The following CUL4B variants were observed in gnomAD, a reference collection of about 807,000 sequenced individuals.
CUL4B encodes the protein cullin 4B, also known as cullin-4B.
A neutral mutation model predicts 69.2 loss-of-function variants in CUL4B; 1 was observed. That is an observed-to-expected ratio of 0.01 (90% CI 0.01 to 0.07). CUL4B has a LOEUF of 0.07. Ranked by LOEUF, CUL4B falls within the 10% of genes least tolerant of loss-of-function variation. CUL4B has a pLI of 1.00. For synonymous variants in CUL4B, 237 were observed against 223.2 expected, an observed-to-expected ratio of 1.06 and a Z score of -0.55; for missense variants, 328 against 638.8, an observed-to-expected ratio of 0.51 and a Z score of 5.24.
chrX:120,561,348 A>G (rs751977170), upstream of CUL4B: 16 of 560,644 alleles, frequency 2.9e-5, no homozygotes, highest in South Asian at 3.6e-4. Flanking sequence ...TCCCGCGGGA[A>G]GCTTCGCGCC....
At chrX:120,567,642 G>A (rs1925595530), downstream of CUL4B, among the ~76,000 whole-genome samples, 1 of 106,336 alleles carries the variant, frequency 9.4e-6, no homozygotes, top group Admixed American at 1.0e-4. Flanking sequence ...ACTTTGGGAG[G>A]CCGAGGCAGG....
intron 1 of CUL4B, among the ~76,000 whole-genome samples, chrX:120,558,285 T>A (rs911592016): frequency 8.9e-6 from 1 of 111,841 alleles, no homozygotes; most frequent in East Asian, 2.8e-4. Flanking sequence ...CTCCTATTGA[T>A]TGTATTGCTT....
At position 120,545,460 on chromosome X, in the gene CUL4B, T is replaced by C. The variant is rs904900765; in HGVS notation, c.904A>G (p.Met302Val). 6.8e-6 allele frequency: 8 copies of C among 1,174,657 alleles called. No individual in the cohort carries two copies. The highest frequency in any genetic ancestry group is 1.8e-5 in the African/African-American group (1 of 56,480). The change falls in exon 5 of 20, where the codon ATG becomes GTG. Residue 302 changes from methionine (M) to valine (V), a missense_variant. Met to Val is a conservative substitution (Grantham distance 21, BLOSUM62 1). Coordinates refer to ENST00000371322, the MANE Select transcript of CUL4B (RefSeq NM_001079872.2). Reference protein sequence around the residue: ...LDRTYVLQNSMLPSIWDMGLE... With the variant: ...LDRTYVLQNSVLPSIWDMGLE... Reference sequence around the variant, plus strand: ...CATCCTTACCAAATGGAGGGTAGCATTGAATTCTGAAGAACGTAAGTTCTA... The same window carrying C: ...CATCCTTACCAAATGGAGGGTAGCACTGAATTCTGAAGAACGTAAGTTCTA...
chrX:120,525,061 A>C lies in CUL4B; in HGVS notation c.*1700T>G, dbSNP rs897233774. On this transcript the variant is annotated 3_prime_UTR_variant, in exon 20 of 20. Transcript: ENST00000371322. ...TTTGCTTGTCAGCTGAGCTCATATA[A>C]AGAAATCAGTGAGGAGCTGAGAAAA... 17 of 112,450 alleles carry C rather than the reference A, an allele frequency of 1.5e-4. No individual in the cohort carries two copies. Among genetic ancestry groups the C allele is most frequent in the African/African-American group, 4.5e-4 (14 of 30,962 alleles). 9.3% of individuals were successfully genotyped at this position (112,450 alleles called of 1,213,427 possible).
chrX:120,575,431 GTTC>G (rs1182198757), exon 1 of CUL4B: 1 of 112,316 alleles, frequency 8.9e-6, no homozygotes, highest in Non-Finnish European at 1.9e-5. Flanking sequence ...GATCCGTTGT[GTTC>G]TTCTATCTAA....
downstream of CUL4B, among the ~76,000 whole-genome samples, chrX:120,566,682 C>T (rs1275662693): frequency 9.1e-6 from 1 of 109,510 alleles, no homozygotes; most frequent in East Asian, 2.9e-4. Flanking sequence ...CAGGTGTGAG[C>T]CACCGCACCC....
chrX:120,538,583 A>C, intron 13 of CUL4B, 77 bp downstream of exon 13: 4 of 666,551 alleles, frequency 6.0e-6, no homozygotes, highest in Non-Finnish European at 9.8e-6. Context: ...CAAAAGAGGA[A>C]ATCGATTGAA....
At chrX:120,546,668 C>T in intron 3 of CUL4B, 52 bp from the exon 4 acceptor site, 1 of 884,493 alleles carries the variant, frequency 1.1e-6, no homozygotes. Flanking sequence ...GTCATATGTG[C>T]CATGTGACAG....
chrX:120,540,268 A>G, intron 11 of CUL4B, 102 bp downstream of exon 11: 1 of 793,441 alleles, frequency 1.3e-6, no homozygotes, highest in Non-Finnish European at 1.9e-6. Context: ...CCTCAAACAA[A>G]TCAGGAATTA....
At position 120,575,038 on chromosome X, in the gene CUL4B, G is replaced by T. The variant is rs1042173005; in HGVS notation, c.-14+368C>A. ...ACTATCTCACTTATGATCTGAATCA[G>T]TCACAAATTTTCTTCTGTTCCTGCC... On this transcript the variant is annotated intron_variant, in intron 1 of 2. Transcript: ENST00000486604. Among the ~76,000 whole-genome samples, 3 of 111,578 alleles carry T rather than the reference G, an allele frequency of 2.7e-5. No individual in the cohort carries two copies. The East Asian group carries it at 8.5e-4, about 31-fold the overall frequency.
chrX:120,567,735 T>A (rs1470209548), downstream of CUL4B, among the ~76,000 whole-genome samples: 16 of 103,161 alleles, frequency 1.6e-4, no homozygotes, highest in East Asian at 4.6e-3. Context: ...AAAAAAAAAA[T>A]TAGCTGTATG....
intron 18 of CUL4B, among the ~76,000 whole-genome samples, chrX:120,532,042 A>G (rs1441944093): frequency 1.8e-5 from 2 of 111,938 alleles, no homozygotes; most frequent in African/African-American, 6.5e-5. Context: ...GGTTTCTTGC[A>G]ATCTTATTTA....
chrX:120,561,973 G>A (rs866587195), upstream of CUL4B, among the ~76,000 whole-genome samples: 39 of 111,478 alleles, frequency 3.5e-4, no homozygotes, highest in African/African-American at 1.2e-3. Flanking sequence ...TCTCTTTCAT[G>A]TAGCTGTAAA....
chrX:120,526,425 GGTGT>G lies in CUL4B; in HGVS notation c.*332_*335del, dbSNP rs199865454. ...ATAAACCTTTTGCTTCATAATTAAT[GGTGT>G]GTAAGAACCCTCCCCCCTTTTTAAT... On this transcript the variant is annotated 3_prime_UTR_variant, in exon 20 of 20. Coordinates refer to ENST00000371322, the MANE Select transcript of CUL4B (RefSeq NM_001079872.2). 4.9e-3 allele frequency: 900 copies of G among 183,125 alleles called. 8 individuals are homozygous for G. The highest frequency in any genetic ancestry group is 0.025 in the African/African-American group (817 of 32,698). 15.1% of individuals were successfully genotyped at this position (183,125 alleles called of 1,213,427 possible).
At chrX:120,573,026 TAGA>T (rs1247391858) in intron 2 of CUL4B, among the ~76,000 whole-genome samples, 1 of 111,536 alleles carries the variant, frequency 9.0e-6, no homozygotes, top group Admixed American at 9.6e-5. Context: ...TTAAACAATA[TAGA>T]AGAATATAGG....
chrX:120,534,903 C>A (rs952733514), intron 16 of CUL4B, among the ~76,000 whole-genome samples: 1 of 111,615 alleles, frequency 9.0e-6, no homozygotes, highest in Non-Finnish European at 1.9e-5. Context: ...ATCACTATTT[C>A]AAATGTATTT....
chrX:120,541,789 T>C, intron 9 of CUL4B, 69 bp from the exon 10 acceptor site: 1 of 687,627 alleles, frequency 1.5e-6, no homozygotes, highest in Non-Finnish European at 2.4e-6. Flanking sequence ...TCAGACATTT[T>C]AATAAAATTT....
At chrX:120,537,419 A>G (rs922735319) in intron 14 of CUL4B, among the ~76,000 whole-genome samples, 1 of 109,704 alleles carries the variant, frequency 9.1e-6, no homozygotes, top group Non-Finnish European at 1.9e-5. Context: ...CTCACCCCCC[A>G]GCCAGCCCAA....
intron 6 of CUL4B, 134 bp downstream of exon 6, chrX:120,544,347 G>GT: frequency 1.2e-6 from 1 of 840,732 alleles, no homozygotes; most frequent in Non-Finnish European, 1.8e-6. Context: ...TGATGATTGG[G>GT]TTTTTATGCT....
Sources: gnomAD v4.1 joint callset for allele counts (sites outside exome capture counted in the v4.1 genomes callset) on GRCh38, gnomAD v4.1.1 for gene constraint, MANE v1.5 for transcripts, NCBI Gene and HGNC (gene_info 2026-07-23, HGNC 2026-07-21) for gene names.